The following VTN variants were observed in gnomAD, a reference collection of about 807,000 sequenced individuals.
The protein encoded by VTN is complement S-protein.
Under a neutral mutation model 55.9 loss-of-function variants are expected in VTN, and 45 were observed. The observed-to-expected ratio is 0.80, with a 90% CI of 0.63 to 1.03. The LOEUF is 1.03. Among genes scored for constraint, VTN ranks in the 50% least tolerant of loss-of-function variants. VTN has a pLI of 0.00. For missense variants in VTN, 589 were observed against 638.2 expected (o/e 0.92, Z 0.83); for synonymous variants, 238 against 242.3 (o/e 0.98, Z 0.17).
Position 28,369,913 on chromosome 17 carries a change from G to A in VTN, c.184+14C>T, listed in dbSNP as rs782819003. 2 of 1,613,258 alleles carry A rather than the reference G, an allele frequency of 1.2e-6. No homozygotes were observed. Among genetic ancestry groups the A allele is most frequent in the Middle Eastern group, 1.7e-4 (1 of 6,058 alleles). ...GGGGGCACCCCAGCCCACCCACCTG[G>A]GCTCTGAACACACCTTGGGGCTTGC... On this transcript the variant is annotated intron_variant, in intron 2 of 7. Coordinates refer to ENST00000226218, the MANE Select transcript of VTN (RefSeq NM_000638.4). The surrounding 1 kb of genome is among the most constrained non-coding windows in gnomAD (Gnocchi z 5.3).
At chr17:28,368,410 CTT>C in intron 6 of VTN, 109 bp downstream of exon 6, 1 of 1,465,512 alleles carries the variant, frequency 6.8e-7, no homozygotes, top group Non-Finnish European at 9.3e-7. Flanking sequence ...AGCAAACAGA[CTT>C]TGATCGATAG....
rs868926106 is a variant in VTN at position 28,368,045 on chromosome 17, G to T, written c.994C>A (p.Pro332Thr). 5 of 1,582,240 alleles carry T rather than the reference G, an allele frequency of 3.2e-6. No individual in the cohort carries two copies. The highest frequency in any genetic ancestry group is 4.3e-6 in the Non-Finnish European group (5 of 1,163,798). ...WGRTSAGTRQ[P>T]QFISRDWHGV... Reference sequence around the variant, plus strand: ...TGCCAGTCCCGGCTAATGAACTGGGGCTGTCTGGTACCAGCTGTGGCAGGG... The same window carrying T: ...TGCCAGTCCCGGCTAATGAACTGGGTCTGTCTGGTACCAGCTGTGGCAGGG... The change falls in exon 7 of 8, where the codon CCC becomes ACC. Residue 332 changes from proline (P) to threonine (T), a missense_variant. Transcript: ENST00000226218.
Position 28,367,955 on chromosome 17 carries a change from G to A in VTN, c.1084C>T (p.Arg362Cys), listed in dbSNP as rs536132259. 19 of 1,601,122 alleles carry A rather than the reference G, an allele frequency of 1.2e-5. No individual in the cohort carries two copies. In the Admixed American group the frequency reaches 1.2e-4, roughly 10 times the overall value. ...GRIYISGMAP[R>C]PSLAKKQRFR... ...CTTTGTTTCTTGGCCAAGGAGGGGC[G>A]GGGTGCCATGCCTGAGATGTAGATG... Residue 362 changes from arginine (R) to cysteine (C), a missense_variant, in exon 7 of 8, where the codon CGC becomes TGC. Physicochemically the swap from Arg to Cys is radical, Grantham distance 180 (BLOSUM62 -3). Transcript: ENST00000226218.
rs782019069 is a variant in VTN, at chr17:28,368,095, G to T, written c.980-36C>A. The T allele has an allele frequency of 1.1e-5, 16 of 1,519,972 alleles. No homozygotes were observed. The South Asian group carries it at 2.0e-4, about 19-fold the overall frequency. 94.2% of individuals were successfully genotyped at this position (1,519,972 alleles called of 1,614,324 possible). A position where few individuals can be genotyped will look rare whatever the true frequency, so the allele number is the denominator to read the frequency against. ...GAAGGGGTGAATGAGAGGTCTTGGGGGTCCGAATCTTGCCCCTTCCAGCGG... is the reference window on the plus strand; with the variant it reads ...GAAGGGGTGAATGAGAGGTCTTGGGTGTCCGAATCTTGCCCCTTCCAGCGG... On this transcript the variant is annotated intron_variant, in intron 6 of 7. Coordinates refer to ENST00000226218, the MANE Select transcript of VTN (RefSeq NM_000638.4).
At position 28,369,139 on chromosome 17, in the gene VTN, C is replaced by T; in HGVS notation, c.670-111G>A. The stretch of plus-strand genomic sequence containing the variant: ...CAGGTCCAGGTTCACTGCCCAGGAC[C>T]TGGAGTCTTGGGGCTGCCCTGTGCT... On this transcript the variant is annotated intron_variant, in intron 4 of 7. Coordinates refer to ENST00000226218, the MANE Select transcript of VTN (RefSeq NM_000638.4). This position sits in a 1 kb window ranked among gnomAD's most constrained non-coding sequence, Gnocchi z 5.3. 6.7e-7 allele frequency: 1 copy of T among 1,503,476 alleles called. No homozygotes were observed. Among genetic ancestry groups the T allele is most frequent in the Non-Finnish European group, 8.9e-7 (1 of 1,124,398 alleles). 93.1% of individuals were successfully genotyped at this position (1,503,476 alleles called of 1,614,324 possible). A position where few individuals can be genotyped will look rare whatever the true frequency, so the allele number is the denominator to read the frequency against.
chr17:28,367,457 C>T lies in VTN; in HGVS notation c.1349G>A (p.Arg450His), dbSNP rs782315239. Residue 450 changes from arginine to histidine, a missense_variant, in exon 8 of 8, where the codon CGC (arginine) becomes CAC (histidine). Physicochemically the swap from Arg to His is conservative, Grantham distance 29 (BLOSUM62 0). Transcript: ENST00000226218. The part of the protein sequence containing the change: ...SGDKYYRVNL[R>H]TRRVDTVDPP... ...GTCCACAGTGTCCACTCGCCGTGTG[C>T]GAAGATTGACTCGGTAGTACTTGTC... The T allele has an allele frequency of 5.6e-6, 9 of 1,613,686 alleles. No individual in the cohort carries two copies. The highest frequency in any genetic ancestry group is 1.1e-5 in the South Asian group (1 of 91,024).
rs758080124 is a variant in VTN at position 28,369,881 on chromosome 17, A to G, written c.185-30T>C. On this transcript the variant is annotated intron_variant, in intron 2 of 7. Transcript: ENST00000226218. This position sits in a 1 kb window ranked among gnomAD's most constrained non-coding sequence, Gnocchi z 5.3. ...AGAGAGTGGATGGTAGTGAGTCTCC[A>G]GCAGCAGGGGGCACCCCAGCCCACC... The G allele has an allele frequency of 6.2e-7, 1 of 1,612,164 alleles. No homozygotes were observed. The highest frequency in any genetic ancestry group is 1.3e-5 in the African/African-American group (1 of 74,866).
Position 28,369,119 on chromosome 17 carries a change from C to T in VTN, c.670-91G>A, listed in dbSNP as rs1597811423. ...TGCCCTAAGGCAGCCGTTCCCAGGT[C>T]CAGGTTCACTGCCCAGGACCTGGAG... On this transcript the variant is annotated intron_variant, in intron 4 of 7. Coordinates refer to ENST00000226218, the MANE Select transcript of VTN (RefSeq NM_000638.4). The surrounding 1 kb of genome is among the most constrained non-coding windows in gnomAD (Gnocchi z 5.3). The T allele has an allele frequency of 6.6e-7, 1 of 1,512,998 alleles. No homozygotes were observed. Among genetic ancestry groups the T allele is most frequent in the East Asian group, 2.3e-5 (1 of 44,038 alleles). The allele number at this position is 1,512,998 out of a possible 1,614,324, so 93.7% of individuals were successfully genotyped here. A position where few individuals can be genotyped will look rare whatever the true frequency, so the allele number is the denominator to read the frequency against.
In VTN at chr17:28,369,301, G is replaced by A; in HGVS notation, c.657C>T (p.Thr219=). ...AFTRINCQGK[T]YLFKGSQYWR... The stretch of plus-strand genomic sequence containing the variant: ...CAGCCCCTGGCACCTTGAAGAGGTA[G>A]GTCTTCCCCTGACAGTTGATGCGGG... The change falls in exon 4 of 8, where the codon ACC becomes ACT. Residue 219 remains threonine (T), a synonymous_variant. Transcript: ENST00000226218. This position sits in a 1 kb window ranked among gnomAD's most constrained non-coding sequence, Gnocchi z 5.3. 6.3e-7 allele frequency: 1 copy of A among 1,591,512 alleles called. No homozygotes were observed. The highest frequency in any genetic ancestry group is 1.1e-5 in the South Asian group (1 of 89,552).
In VTN at chr17:28,369,582, C is replaced by G; in HGVS notation, c.454G>C (p.Glu152Gln). ...LHPGRPQPPA[E>Q]EELCSGKPFD... ...GGCTTCCCACTGCACAGCTCCTCCT[C>G]TGCTGGGGGCTGAGGTCTCCCTGGA... Residue 152 changes from glutamate (E) to glutamine (Q), a missense_variant, in exon 3 of 8, where the codon GAG becomes CAG. Glu to Gln is a conservative substitution (Grantham distance 29). Coordinates refer to ENST00000226218, the MANE Select transcript of VTN (RefSeq NM_000638.4). The surrounding 1 kb of genome is among the most constrained non-coding windows in gnomAD (Gnocchi z 5.3). The G allele has an allele frequency of 6.2e-7, 1 of 1,613,274 alleles. No homozygotes were observed. The highest frequency in any genetic ancestry group is 8.5e-7 in the Non-Finnish European group (1 of 1,180,020).
intron 6 of VTN, 63 bp from the exon 7 acceptor site, chr17:28,368,122 G>A: frequency 7.1e-7 from 1 of 1,414,742 alleles, no homozygotes; most frequent in Non-Finnish European, 9.5e-7. Flanking sequence ...TTCCAGCGGG[G>A]CCATTAGAGT....
In VTN at chr17:28,367,734, A is replaced by T; in HGVS notation, c.1305T>A (p.Ser435Arg). Residue 435 changes from serine to arginine, a missense_variant, in exon 7 of 8, where the codon AGT becomes AGA. This residue lies in a region of VTN where 334 missense variants were observed against 328.2 expected (regional missense o/e 1.02). Coordinates refer to ENST00000226218, the MANE Select transcript of VTN (RefSeq NM_000638.4). ...LVPATCEPIQ[S>R]VFFFSGDKYY... ...TCCTACCTCCAGAGAAGAAGAAGAC[A>T]CTCTGGATGGGTTCACAGGTGGCAG... 2.5e-6 allele frequency: 4 copies of T among 1,610,642 alleles called. No individual in the cohort carries two copies. In the Admixed American group the frequency reaches 5.0e-5, roughly 20 times the overall value.
Position 28,370,262 on chromosome 17 carries a change from C to T in VTN, c.-59G>A. 6.5e-7 allele frequency: 1 copy of T among 1,548,926 alleles called. No individual in the cohort carries two copies. Among genetic ancestry groups the T allele is most frequent in the Non-Finnish European group, 8.8e-7 (1 of 1,139,584 alleles). ...GGCTCTGGTCTCCCTGAAGTCTCCG[C>T]TCTGATGCCTGAGGAAGGGAGGGAG... On this transcript the variant is annotated 5_prime_UTR_variant, in exon 1 of 8. Coordinates refer to ENST00000226218, the MANE Select transcript of VTN (RefSeq NM_000638.4).
rs781984843 is a variant in VTN at position 28,368,549 on chromosome 17, G to A, written c.951C>T (p.Phe317=). The A allele has an allele frequency of 1.2e-5, 19 of 1,614,006 alleles. No individual in the cohort carries two copies. Among genetic ancestry groups the A allele is most frequent in the South Asian group, 2.2e-5 (2 of 91,076 alleles). The part of the protein sequence containing the change: ...MMQRDSWEDI[F]ELLFWGRTSA... ...AGGTTCTGCCCCAGAAGAGAAGCTC[G>A]AAGATGTCCTCCCAGCTGTCCCGCT... The change falls in exon 6 of 8, where the codon TTC becomes TTT. Residue 317 remains phenylalanine (F), a synonymous_variant. Transcript: ENST00000226218.
chr17:28,369,733 G>A lies in VTN; in HGVS notation c.303C>T (p.Asp101=), dbSNP rs2067936599. The A allele has an allele frequency of 6.2e-7, 1 of 1,613,970 alleles. No individual in the cohort carries two copies. The highest frequency in any genetic ancestry group is 1.7e-5 in the Admixed American group (1 of 60,022). The change falls in exon 3 of 8, where the codon GAC becomes GAT. Residue 101 remains aspartate (D), a synonymous_variant. Coordinates refer to ENST00000226218, the MANE Select transcript of VTN (RefSeq NM_000638.4). The surrounding 1 kb of genome is among the most constrained non-coding windows in gnomAD (Gnocchi z 5.3). ...GATTCCCTTTGGACTGGGCCTGGAG[G>A]TCAGAGGTCAGGGAGGGGCCCCCCA... The part of the protein sequence containing the change: ...EQVGGPSLTS[D]LQAQSKGNPE...
Position 28,367,913 on chromosome 17 carries a change from G to T in VTN, c.1126C>A (p.Arg376Ser). 6.2e-7 allele frequency: 1 copy of T among 1,611,648 alleles called. No homozygotes were observed. Among genetic ancestry groups the T allele is most frequent in the Non-Finnish European group, 8.5e-7 (1 of 1,178,832 alleles). Residue 376 changes from arginine (R) to serine (S), a missense_variant, in exon 7 of 8, where the codon CGC (arginine) becomes AGC (serine). Around this residue, in one of 3 missense-constraint regions of VTN, gnomAD observed 334 missense variants for 328.2 expected, o/e 1.02. Coordinates refer to ENST00000226218, the MANE Select transcript of VTN (RefSeq NM_000638.4). The stretch of plus-strand genomic sequence containing the variant: ...CCTCGTTGTGAACGGTAGCCTTTGC[G>T]GTTGCGATGCCTAAACCTTTGTTTC... ...AKKQRFRHRN[R>S]KGYRSQRGHS...
At position 28,369,400 on chromosome 17, in the gene VTN, CT is replaced by C; in HGVS notation, c.557del (p.Lys186ArgfsTer3). 1.9e-6 allele frequency: 3 copies of C among 1,601,938 alleles called. No individual in the cohort carries two copies. The highest frequency in any genetic ancestry group is 1.7e-6 in the Non-Finnish European group (2 of 1,171,066). ...GCTTGGGGTACCCAGGCCTCACTGC[CT>C]TTTCGTCCAGTTCATAGCAGTACTG... Reference protein sequence around the residue: ...RGQYCYELDEKAVRPGYPKLI... With the variant: ...RGQYCYELDEXAVRPGYPKLI... On this transcript the variant is annotated frameshift_variant, in exon 4 of 8. Coordinates refer to ENST00000226218, the MANE Select transcript of VTN (RefSeq NM_000638.4). LOFTEE classifies it high-confidence loss of function. This position sits in a 1 kb window ranked among gnomAD's most constrained non-coding sequence, Gnocchi z 5.3.
chr17:28,370,085 G>C, intron 1 of VTN, 39 bp from the exon 2 acceptor site: 2 of 1,613,896 alleles, frequency 1.2e-6, no homozygotes, highest in Non-Finnish European at 1.7e-6. Context: ...ACCAAGCCCA[G>C]ACCACCCTCG....
Position 28,369,190 on chromosome 17 carries a change from G to C in VTN, c.669+99C>G. On this transcript the variant is annotated intron_variant, in intron 4 of 7. Transcript: ENST00000226218. This position sits in a 1 kb window ranked among gnomAD's most constrained non-coding sequence, Gnocchi z 5.3. ...CACAGAGCTCCCACCAGGTCCTGCA[G>C]GGCCCTGGGTCCAGCTTCCCTGTCC... The C allele has an allele frequency of 6.6e-7, 1 of 1,508,336 alleles. No individual in the cohort carries two copies. Among genetic ancestry groups the C allele is most frequent in the Non-Finnish European group, 8.9e-7 (1 of 1,127,264 alleles). 93.4% of individuals were successfully genotyped at this position (1,508,336 alleles called of 1,614,324 possible).
Sources: allele counts gnomAD v4.1 joint callset, GRCh38; gene constraint gnomAD v4.1.1; regional missense constraint gnomAD v4.1.1; non-coding constraint Gnocchi (gnomAD v3.1); transcripts MANE v1.5; gene names NCBI Gene and HGNC (gene_info 2026-07-23, HGNC 2026-07-21).